CEP63: variants seen among roughly 807,000 people sequenced by gnomAD.
The protein encoded by CEP63 is centrosomal protein of 63 kDa.
A neutral mutation model predicts 89.1 loss-of-function variants in CEP63; 84 were observed. The ratio of observed to expected loss-of-function variants is 0.94; its 90% CI spans 0.79 to 1.13. The LOEUF (loss-of-function observed/expected upper bound fraction) is 1.13, where lower values mean the gene tolerates loss of function less well. Among genes scored for constraint, CEP63 ranks in the 50% most tolerant of loss-of-function variants. The pLI is 0.00. For synonymous variants in CEP63, 267 were observed against 272.5 expected (o/e 0.98, Z 0.20); for missense variants, 838 against 813.3 (o/e 1.03, Z -0.37).
upstream of CEP63, chr3:134,485,914 C>T (rs1935106589): frequency 5.6e-6 from 5 of 897,924 alleles, no homozygotes; most frequent in Non-Finnish European, 6.7e-6. Flanking sequence ...CATTCCCGCG[C>T]CTCCAAAACC....
chr3:134,671,819 T>A, the CEP63 span, among the ~76,000 whole-genome samples: 1 of 152,130 alleles, frequency 6.6e-6, no homozygotes, highest in African/African-American at 2.4e-5. Flanking sequence ...CTGACTCTCA[T>A]GGCTTTTGGG....
chr3:134,539,809 G>A (rs1245234336), intron 6 of CEP63, among the ~76,000 whole-genome samples: 1 of 151,962 alleles, frequency 6.6e-6, no homozygotes, highest in East Asian at 1.9e-4. Flanking sequence ...CTTTTAATCA[G>A]CTATTAAAAT....
At chr3:134,647,553 C>A in the CEP63 span, 1 of 1,083,194 alleles carries the variant, frequency 9.2e-7, no homozygotes, top group Admixed American at 1.9e-5. Flanking sequence ...GAGTGATGTA[C>A]CAGTTGCAGA....
the CEP63 span, among the ~76,000 whole-genome samples, chr3:134,763,064 A>ATT: frequency 6.6e-6 from 1 of 151,378 alleles, no homozygotes; most frequent in South Asian, 2.1e-4. Context: ...GTGGCATCAT[A>ATT]TTTTTTTTTC....
downstream of CEP63, among the ~76,000 whole-genome samples, chr3:134,590,654 A>T (rs547971401): frequency 6.7e-4 from 102 of 152,314 alleles, 1 homozygote; most frequent in African/African-American, 2.3e-3. Flanking sequence ...TTACATTATT[A>T]TGGCCATGTA....
chr3:134,775,456 T>C, the CEP63 span, among the ~76,000 whole-genome samples: 5 of 152,190 alleles, frequency 3.3e-5, no homozygotes, highest in African/African-American at 1.2e-4. Flanking sequence ...AGTGGTATGG[T>C]AGCATATAAT....
At chr3:134,742,103 G>A in the CEP63 span, among the ~76,000 whole-genome samples, 1 of 152,042 alleles carries the variant, frequency 6.6e-6, no homozygotes, top group Non-Finnish European at 1.5e-5. Flanking sequence ...GAGGCCTAGG[G>A]CATGATGTCC....
chr3:134,600,148 A>T, the CEP63 span, among the ~76,000 whole-genome samples: 8 of 152,352 alleles, frequency 5.3e-5, 1 homozygote, highest in African/African-American at 1.9e-4. Context: ...TGCCAATAGC[A>T]AATGATGTAG....
chr3:134,782,256 C>T, the CEP63 span, among the ~76,000 whole-genome samples: 1 of 152,314 alleles, frequency 6.6e-6, no homozygotes, highest in East Asian at 1.9e-4. Flanking sequence ...TCAGGAAATA[C>T]ATCCTTGAGT....
intron 12 of CEP63, chr3:134,553,050 A>G (rs943233999): frequency 6.6e-6 from 1 of 152,224 alleles, no homozygotes; most frequent in East Asian, 1.9e-4. Context: ...TGACTCATCT[A>G]TTCTGACCCA....
At chr3:134,693,533 A>C in the CEP63 span, among the ~76,000 whole-genome samples, 1 of 152,222 alleles carries the variant, frequency 6.6e-6, no homozygotes, top group African/African-American at 2.4e-5. Flanking sequence ...TCAATGCAAG[A>C]CGTTTTTTGT....
the CEP63 span, chr3:134,629,545 G>T: frequency 6.2e-6 from 7 of 1,135,036 alleles, no homozygotes; most frequent in Middle Eastern, 2.1e-4. Context: ...AGATGCTTGG[G>T]CTGGGATCTG....
chr3:134,665,880 G>A, the CEP63 span, among the ~76,000 whole-genome samples: 3,650 of 152,026 alleles, frequency 0.024, 140 homozygotes, highest in African/African-American at 0.084. Flanking sequence ...CTAAGAATGA[G>A]GATGAGAGAA....
the CEP63 span, among the ~76,000 whole-genome samples, chr3:134,675,376 T>C: frequency 6.6e-6 from 1 of 152,088 alleles, no homozygotes; most frequent in Non-Finnish European, 1.5e-5. Context: ...ATAACAAACA[T>C]TAACTGAAAA....
the CEP63 span, among the ~76,000 whole-genome samples, chr3:134,740,574 G>A: frequency 6.6e-6 from 1 of 152,156 alleles, no homozygotes. Context: ...TGGGATTACA[G>A]GCGTGAGCCA....
At position 134,549,076 on chromosome 3, in the gene CEP63, G is replaced by T. The variant is rs1357078760; in HGVS notation, c.1082G>T (p.Ser361Ile). Residue 361 changes from serine to isoleucine, a missense_variant, in exon 10 of 15, where the codon AGT becomes ATT. Transcript: ENST00000675561. Reference sequence around the variant, plus strand: ...TTGTCATACAGTTTGGAATCTGTGAGTGCAACGTGTAAACAGCTGAGCCAA... The same window carrying T: ...TTGTCATACAGTTTGGAATCTGTGATTGCAACGTGTAAACAGCTGAGCCAA... The part of the protein sequence containing the change: ...TCLEGSLESV[S>I]ATCKQLSQEL... 6.2e-7 allele frequency: 1 copy of T among 1,611,268 alleles called. No homozygotes were observed. The highest frequency in any genetic ancestry group is 8.5e-7 in the Non-Finnish European group (1 of 1,177,600).
chr3:134,605,382 G>A, the CEP63 span, among the ~76,000 whole-genome samples: 5 of 152,138 alleles, frequency 3.3e-5, 1 homozygote, highest in Admixed American at 2.6e-4. Context: ...GAAGGAGAGA[G>A]GCTGTCTGAT....
the CEP63 span, among the ~76,000 whole-genome samples, chr3:134,766,071 A>G: frequency 6.6e-6 from 1 of 152,210 alleles, no homozygotes; most frequent in Non-Finnish European, 1.5e-5. Context: ...AATAAACTCA[A>G]TCAACTTGTG....
At chr3:134,704,482 G>A in the CEP63 span, among the ~76,000 whole-genome samples, 1 of 152,116 alleles carries the variant, frequency 6.6e-6, no homozygotes, top group Non-Finnish European at 1.5e-5. Flanking sequence ...GTCAGATAAA[G>A]AAGGAAAAAC....
Sources: gnomAD v4.1 joint callset for allele counts (sites outside exome capture counted in the v4.1 genomes callset) on GRCh38, gnomAD v4.1.1 for gene constraint, MANE v1.5 for transcripts, NCBI Gene and HGNC (gene_info 2026-07-23, HGNC 2026-07-21) for gene names.